MDGA2: variants seen among roughly 807,000 people sequenced by gnomAD.
MDGA2 encodes MAM domain-containing glycosylphosphatidylinositol anchor protein 2.
Under a neutral mutation model 117.8 loss-of-function variants are expected in MDGA2, and 40 were observed. The observed-to-expected ratio is 0.34, with a 90% CI of 0.26 to 0.44. The LOEUF is 0.44. MDGA2 is among the 20% of genes least tolerant of loss of function. The pLI, the probability that MDGA2 is intolerant of heterozygous loss-of-function variation, is 1.00. For synonymous variants in MDGA2, 452 were observed against 439.0 expected, an observed-to-expected ratio of 1.03 and a Z score of -0.37; for missense variants, 1,123 against 1,250.6, an observed-to-expected ratio of 0.90 and a Z score of 1.54.
At chr14:47,599,892 T>G (rs1381559754) in intron 1 of MDGA2, among the ~76,000 whole-genome samples, 1 of 152,074 alleles carries the variant, frequency 6.6e-6, no homozygotes, top group African/African-American at 2.4e-5. Flanking sequence ...ATATACAAAT[T>G]AAAGATTTAA....
intron 6 of MDGA2, among the ~76,000 whole-genome samples, chr14:47,083,740 A>G (rs889494329): frequency 3.3e-5 from 5 of 152,058 alleles, no homozygotes; most frequent in African/African-American, 9.7e-5. Flanking sequence ...AGGACAAAAT[A>G]TATATATCAT....
chr14:47,135,871 C>G (rs1000028480), intron 4 of MDGA2, among the ~76,000 whole-genome samples: 1 of 152,140 alleles, frequency 6.6e-6, no homozygotes, highest in South Asian at 2.1e-4. Flanking sequence ...CCTATCTGAA[C>G]TGATGTGTCC....
At chr14:47,471,132 G>T (rs768080450) in intron 1 of MDGA2, among the ~76,000 whole-genome samples, 11 of 151,544 alleles carry the variant, frequency 7.3e-5, no homozygotes, top group Non-Finnish European at 1.0e-4. Flanking sequence ...AAGTGTGTCT[G>T]TTTTTTTTCT....
At chr14:47,158,365 T>G (rs11624853) in intron 3 of MDGA2, among the ~76,000 whole-genome samples, 7,843 of 71,778 alleles carry the variant, frequency 0.11, 191 homozygotes, top group Admixed American at 0.18. Flanking sequence ...CTGGGGTGGG[T>G]GTGTGTGTGT....
At chr14:46,925,075 C>T (rs1884276017) in intron 9 of MDGA2, among the ~76,000 whole-genome samples, 1 of 152,072 alleles carries the variant, frequency 6.6e-6, no homozygotes, top group Admixed American at 6.6e-5. Context: ...TGACTCTCAC[C>T]AGTATAGGAA....
chr14:47,411,537 C>T (rs1428658872), intron 1 of MDGA2, among the ~76,000 whole-genome samples: 2 of 152,048 alleles, frequency 1.3e-5, no homozygotes, highest in East Asian at 1.9e-4. Flanking sequence ...AATTTTATTA[C>T]GTCACTAGGA....
At chr14:47,015,281 C>A (rs1450964097) in intron 8 of MDGA2, among the ~76,000 whole-genome samples, 1 of 149,306 alleles carries the variant, frequency 6.7e-6, no homozygotes. Flanking sequence ...GCAAGAATTA[C>A]CAAAATGTGA....
chr14:47,331,829 T>G (rs1890301113), intron 1 of MDGA2, among the ~76,000 whole-genome samples: 1 of 152,006 alleles, frequency 6.6e-6, no homozygotes, highest in South Asian at 2.1e-4. Context: ...TAGTGAATTT[T>G]CATTTCTAAA....
rs558682906 is a variant in MDGA2 at position 47,436,490 on chromosome 14, G to C, written c.281-134940C>G. Among the ~76,000 whole-genome samples the C allele has an allele frequency of 2.4e-3, 358 of 152,178 alleles. 1 individual carries two copies. The highest frequency in any genetic ancestry group is 8.7e-3 in the South Asian group (42 of 4,826). On this transcript the variant is annotated intron_variant, in intron 1 of 16. Coordinates refer to ENST00000399232, the MANE Select transcript of MDGA2 (RefSeq NM_001113498.3). ...TAAACTAGGAGAATGGCAGGGAAAA[G>C]AACTTCCCCTGATGGAGTATGCCAT...
At chr14:47,656,188 C>T (rs1897740274) in intron 1 of MDGA2, among the ~76,000 whole-genome samples, 1 of 152,112 alleles carries the variant, frequency 6.6e-6, no homozygotes, top group Admixed American at 6.6e-5. Flanking sequence ...CTGTAGCAAT[C>T]CATTATTAAA....
At chr14:47,499,924 C>T (rs951337511) in intron 1 of MDGA2, among the ~76,000 whole-genome samples, 9 of 151,916 alleles carry the variant, frequency 5.9e-5, no homozygotes, top group African/African-American at 2.2e-4. Context: ...ATATATGTGT[C>T]TATATTTAAT....
chr14:47,347,112 T>C (rs761544387), intron 1 of MDGA2, among the ~76,000 whole-genome samples: 5 of 152,174 alleles, frequency 3.3e-5, no homozygotes, highest in South Asian at 2.1e-4. Context: ...CAGACGTAAG[T>C]AGGGGACCAA....
chr14:47,659,734 A>T (rs758850204), intron 1 of MDGA2, among the ~76,000 whole-genome samples: 3 of 152,222 alleles, frequency 2.0e-5, no homozygotes, highest in Non-Finnish European at 4.4e-5. Flanking sequence ...GCAGAGAAAG[A>T]CTTTAAAAAG....
chr14:47,016,423 G>T (rs1351588128), intron 8 of MDGA2, among the ~76,000 whole-genome samples: 1 of 151,954 alleles, frequency 6.6e-6, no homozygotes, highest in Non-Finnish European at 1.5e-5. Flanking sequence ...AACTAGCTGA[G>T]ATCATTTCTT....
At chr14:47,388,897 C>T (rs1156724180) in intron 1 of MDGA2, among the ~76,000 whole-genome samples, 7 of 152,158 alleles carry the variant, frequency 4.6e-5, no homozygotes, top group Non-Finnish European at 7.3e-5. Context: ...CTTTCTACCT[C>T]TCAGTTACAA....
chr14:47,332,442 C>A (rs1374763208), intron 1 of MDGA2, among the ~76,000 whole-genome samples: 2 of 151,856 alleles, frequency 1.3e-5, no homozygotes, highest in Non-Finnish European at 2.9e-5. Flanking sequence ...TGAGTTAATA[C>A]ACAAAACTAT....
intron 1 of MDGA2, among the ~76,000 whole-genome samples, chr14:47,515,446 T>C (rs1360939906): frequency 1.3e-5 from 2 of 152,200 alleles, no homozygotes; most frequent in Admixed American, 6.6e-5. Context: ...ATGTCTGCTA[T>C]CTTTGTATAG....
At position 47,090,607 on chromosome 14, in the gene MDGA2, T is replaced by C. The variant is rs552232770; in HGVS notation, c.1195+6247A>G. ...AAAATGTGTCTGTTCCATAACAGGG[T>C]AGAGATATTTGACCCTTCCAGGGAG... On this transcript the variant is annotated intron_variant, in intron 6 of 16. Transcript: ENST00000399232. 4.6e-5 allele frequency among the ~76,000 whole-genome samples: 7 copies of C among 152,190 alleles called. No individual in the cohort carries two copies. In the South Asian group the frequency reaches 1.4e-3, roughly 31 times the overall value.
chr14:47,636,839 G>GC (rs1897332147), intron 1 of MDGA2, among the ~76,000 whole-genome samples: 3 of 140,804 alleles, frequency 2.1e-5, no homozygotes, highest in Non-Finnish European at 4.5e-5. Flanking sequence ...GGGCATGGTG[G>GC]AGCGTGCCTG....
Sources: allele counts gnomAD v4.1 joint callset (sites outside exome capture counted in the v4.1 genomes callset), GRCh38; gene constraint gnomAD v4.1.1; transcripts MANE v1.5; gene names NCBI Gene and HGNC (gene_info 2026-07-23, HGNC 2026-07-21).